SLC12A8: variants seen among roughly 807,000 people sequenced by gnomAD.
The protein encoded by SLC12A8 is cation-chloride cotransporter 9.
A neutral mutation model predicts 75.6 loss-of-function variants in SLC12A8; 69 were observed. That is an observed-to-expected ratio of 0.91 (90% confidence interval 0.75 to 1.11). SLC12A8 has a LOEUF of 1.11. Ranked by LOEUF, SLC12A8 falls within the 50% of genes most tolerant of loss-of-function variation. The probability of loss-of-function intolerance (pLI) is 0.00; values close to 1 mark genes in which losing one functional copy is unlikely to be tolerated. For synonymous variants in SLC12A8, 365 were observed against 372.8 expected (o/e 0.98, Z 0.24); for missense variants, 877 against 896.7 (o/e 0.98, Z 0.28).
chr3:125,100,291 G>A (rs1357154115), intron 10 of SLC12A8, among the ~76,000 whole-genome samples: 6 of 152,116 alleles, frequency 3.9e-5, no homozygotes, highest in South Asian at 2.1e-4. Context: ...CAACAGGAAA[G>A]AAAGAATGAA....
intron 5 of SLC12A8, among the ~76,000 whole-genome samples, chr3:125,154,502 G>A (rs907449715): frequency 6.6e-6 from 1 of 152,174 alleles, no homozygotes; most frequent in African/African-American, 2.4e-5. Flanking sequence ...ATAGTGAGAT[G>A]TATAATGCTT....
chr3:125,130,210 G>T (rs1343188605), intron 6 of SLC12A8, among the ~76,000 whole-genome samples: 1 of 152,156 alleles, frequency 6.6e-6, no homozygotes, highest in African/African-American at 2.4e-5. Context: ...GGTAGCTATA[G>T]CTTTTTCAGC....
intron 10 of SLC12A8, among the ~76,000 whole-genome samples, chr3:125,094,789 TG>T (rs140863738): frequency 9.8e-5 from 15 of 152,356 alleles, no homozygotes; most frequent in African/African-American, 3.6e-4. Flanking sequence ...CTCTTATGAT[TG>T]TATCTACTTT....
intron 6 of SLC12A8, among the ~76,000 whole-genome samples, chr3:125,132,301 A>G (rs1933378940): frequency 6.6e-6 from 1 of 152,104 alleles, no homozygotes; most frequent in Admixed American, 6.6e-5. Context: ...GCAAATCTGG[A>G]TTTGTAGACC....
intron 2 of SLC12A8, among the ~76,000 whole-genome samples, chr3:125,208,975 A>G (rs1314896545): frequency 6.6e-6 from 1 of 152,102 alleles, no homozygotes. Flanking sequence ...GTCAAGACTG[A>G]AGGTGGCATG....
intron 7 of SLC12A8, 42 bp downstream of exon 7, chr3:125,120,557 C>T: frequency 1.4e-6 from 2 of 1,465,332 alleles, no homozygotes; most frequent in Non-Finnish European, 1.9e-6. Context: ...GGTTTTCTCT[C>T]CCACTCTCTA....
intron 2 of SLC12A8, among the ~76,000 whole-genome samples, chr3:125,205,549 G>A (rs1230432206): frequency 1.3e-5 from 2 of 152,162 alleles, no homozygotes; most frequent in Non-Finnish European, 2.9e-5. Context: ...GAAAGACAGA[G>A]GAGAAAGAGG....
intron 5 of SLC12A8, among the ~76,000 whole-genome samples, chr3:125,155,420 G>T (rs974940258): frequency 1.3e-5 from 2 of 152,000 alleles, no homozygotes; most frequent in African/African-American, 4.8e-5. Context: ...AGGACACTGT[G>T]AGATTCTGAT....
Position 125,177,747 on chromosome 3 carries a change from G to T in SLC12A8, c.618C>A (p.Asp206Glu). ...DFVVGSFTHL[D>E]PEHGFIGYSP... ...ACTGGACTCTGAAAGGCTTACCTGG[G>T]TCCAGGTGGGTGAAAGAACCCACCA... The change falls in exon 5 of 14, where the codon GAC becomes GAA. Residue 206 changes from aspartate to glutamate, a missense_variant. Physicochemically the swap from Asp to Glu is conservative, Grantham distance 45 (BLOSUM62 2). Transcript: ENST00000469902. 7.4e-6 allele frequency: 12 copies of T among 1,613,228 alleles called. No individual in the cohort carries two copies. Among genetic ancestry groups the T allele is most frequent in the Non-Finnish European group, 1.0e-5 (12 of 1,179,256 alleles).
chr3:125,183,301 T>G (rs1405514697), intron 4 of SLC12A8, among the ~76,000 whole-genome samples: 1 of 152,196 alleles, frequency 6.6e-6, no homozygotes, highest in Non-Finnish European at 1.5e-5. Flanking sequence ...CTCCTAAATC[T>G]TAGACCAGGC....
intron 5 of SLC12A8, among the ~76,000 whole-genome samples, chr3:125,174,352 ATGT>A (rs1337781470): frequency 6.6e-6 from 1 of 152,232 alleles, no homozygotes; most frequent in African/African-American, 2.4e-5. Flanking sequence ...GCTGATGAGG[ATGT>A]GGAGCAACAG....
At chr3:125,122,553 AAT>A (rs1933091225) in intron 6 of SLC12A8, among the ~76,000 whole-genome samples, 3 of 152,212 alleles carry the variant, frequency 2.0e-5, no homozygotes, top group Non-Finnish European at 1.5e-5. Flanking sequence ...TGGAGAATAT[AAT>A]ACCGAGGAAA....
chr3:125,198,370 A>G (rs190058999), intron 2 of SLC12A8, among the ~76,000 whole-genome samples: 1 of 152,186 alleles, frequency 6.6e-6, no homozygotes, highest in African/African-American at 2.4e-5. Flanking sequence ...GCAGTGGCTC[A>G]GGCCTATAAT....
At chr3:125,207,639 C>T (rs915388910) in intron 2 of SLC12A8, among the ~76,000 whole-genome samples, 1 of 152,220 alleles carries the variant, frequency 6.6e-6, no homozygotes, top group Non-Finnish European at 1.5e-5. Flanking sequence ...AGCTTGTCAG[C>T]TTGCCATCTG....
intron 2 of SLC12A8, among the ~76,000 whole-genome samples, chr3:125,201,267 G>A (rs1348716341): frequency 2.0e-5 from 3 of 152,166 alleles, no homozygotes; most frequent in African/African-American, 7.2e-5. Context: ...TGCCAGACAT[G>A]GTGGCATGTG....
intron 5 of SLC12A8, among the ~76,000 whole-genome samples, chr3:125,152,569 T>C (rs905985528): frequency 3.9e-5 from 6 of 152,154 alleles, no homozygotes; most frequent in African/African-American, 1.4e-4. Flanking sequence ...AAAATTATTC[T>C]CTACAATATC....
At chr3:125,199,120 AG>A (rs1935070554) in intron 2 of SLC12A8, among the ~76,000 whole-genome samples, 1 of 152,198 alleles carries the variant, frequency 6.6e-6, no homozygotes, top group African/African-American at 2.4e-5. Flanking sequence ...ATCCTGAAAA[AG>A]ATACTGTGGT....
intron 2 of SLC12A8, among the ~76,000 whole-genome samples, chr3:125,199,291 C>CA (rs1219672759): frequency 1.3e-5 from 2 of 152,194 alleles, no homozygotes; most frequent in Middle Eastern, 3.4e-3. Flanking sequence ...AAAGTGTTAA[C>CA]AAGTGGTCAA....
At chr3:125,100,108 G>C (rs917711261) in intron 10 of SLC12A8, among the ~76,000 whole-genome samples, 15 of 152,128 alleles carry the variant, frequency 9.9e-5, no homozygotes, top group African/African-American at 3.4e-4. Context: ...AGAACAGAGG[G>C]GGAAAGGTGG....
Sources: allele counts gnomAD v4.1 joint callset (sites outside exome capture counted in the v4.1 genomes callset), GRCh38; gene constraint gnomAD v4.1.1; transcripts MANE v1.5; gene names NCBI Gene and HGNC (gene_info 2026-07-23, HGNC 2026-07-21).